The following SEMA3D variants were observed in gnomAD, a reference collection of about 807,000 sequenced individuals.
SEMA3D encodes the protein semaphorin-3D.
A neutral mutation model predicts 100.1 loss-of-function variants in SEMA3D; 84 were observed. The observed-to-expected ratio is 0.84, with a 90% CI of 0.70 to 1.01. The LOEUF is 1.01. SEMA3D is among the 50% of genes least tolerant of loss of function. The pLI is 0.00. For synonymous variants in SEMA3D, 312 were observed against 320.7 expected, an observed-to-expected ratio of 0.97 and a Z score of 0.29; for missense variants, 875 against 934.1, an observed-to-expected ratio of 0.94 and a Z score of 0.82.
Position 85,040,759 on chromosome 7 carries a change from A to G in SEMA3D, c.977-17T>C, listed in dbSNP as rs1790837338. ...AAATATCTTCTATTAAAGGGGAAAA[A>G]TAAATATTTACTCTTATTTTTCAGT... On this transcript the variant is annotated splice_polypyrimidine_tract_variant and intron_variant, in intron 10 of 18. Coordinates refer to ENST00000284136, the MANE Select transcript of SEMA3D (RefSeq NM_001384900.1). The G allele has an allele frequency of 8.9e-7, 1 of 1,127,230 alleles. No homozygotes were observed. The highest frequency in any genetic ancestry group is 1.5e-5 in the African/African-American group (1 of 64,904). 69.8% of individuals were successfully genotyped at this position (1,127,230 alleles called of 1,614,324 possible). A position where few individuals can be genotyped will look rare whatever the true frequency, so the allele number is the denominator to read the frequency against.
chr7:85,020,706 T>C (rs1005919050), intron 13 of SEMA3D, among the ~76,000 whole-genome samples: 1 of 151,598 alleles, frequency 6.6e-6, no homozygotes, highest in Non-Finnish European at 1.5e-5. Flanking sequence ...TTCCATGTAA[T>C]ATATATTTAT....
chr7:85,189,452 C>T (rs993658546), upstream of SEMA3D, among the ~76,000 whole-genome samples: 2 of 151,910 alleles, frequency 1.3e-5, no homozygotes, highest in African/African-American at 4.8e-5. Flanking sequence ...TATCTAAATT[C>T]TTAAAATAAA....
At position 85,025,244 on chromosome 7, in the gene SEMA3D, C is replaced by T. The variant is rs554266653; in HGVS notation, c.1192-2631G>A. ...CAGGAAACTTATCTGTGTCTCTACC[C>T]GCTGTTGTAAAATACTCAAAGACAG... is the stretch of plus-strand genomic sequence containing the variant. On this transcript the variant is annotated intron_variant, in intron 12 of 18. Transcript: ENST00000284136. Among the ~76,000 whole-genome samples the T allele has an allele frequency of 2.6e-4, 39 of 152,030 alleles. No individual in the cohort carries two copies. In the South Asian group the frequency reaches 7.9e-3, roughly 31 times the overall value.
chr7:85,122,273 C>T (rs934046624), intron 2 of SEMA3D, among the ~76,000 whole-genome samples: 1 of 151,646 alleles, frequency 6.6e-6, no homozygotes, highest in Non-Finnish European at 1.5e-5. Flanking sequence ...GTAGACTTTC[C>T]TCAACTTACT....
intron 3 of SEMA3D, among the ~76,000 whole-genome samples, chr7:85,099,981 C>G (rs1202772370): frequency 6.6e-6 from 1 of 151,908 alleles, no homozygotes. Context: ...TGCAGCTTGT[C>G]TTTCGCCCAT....
At chr7:85,225,089 TATATATATATATATATAC>T in the SEMA3D span, among the ~76,000 whole-genome samples, 3 of 15,140 alleles carry the variant, frequency 2.0e-4, no homozygotes, top group African/African-American at 7.8e-4. Context: ...TATATATATA[TATATATATATATATATAC>T]ATACATATAT....
chr7:85,218,720 T>C, the SEMA3D span, among the ~76,000 whole-genome samples: 1 of 152,144 alleles, frequency 6.6e-6, no homozygotes, highest in Non-Finnish European at 1.5e-5. Flanking sequence ...ATTTCTATCA[T>C]GAGCAAGCCA....
chr7:85,040,601 G>C, intron 11 of SEMA3D, 72 bp downstream of exon 11: 1 of 785,622 alleles, frequency 1.3e-6, no homozygotes, highest in Admixed American at 2.4e-5. Context: ...GGGACAAAAA[G>C]ATCCTATAAC....
the SEMA3D span, among the ~76,000 whole-genome samples, chr7:85,243,354 A>G: frequency 1.3e-5 from 2 of 152,202 alleles, no homozygotes. Flanking sequence ...AGGGCTCCCC[A>G]TGAGTGGAGT....
At chr7:85,231,744 C>T in the SEMA3D span, among the ~76,000 whole-genome samples, 1 of 152,116 alleles carries the variant, frequency 6.6e-6, no homozygotes, top group Non-Finnish European at 1.5e-5. Flanking sequence ...GCCACTGCGC[C>T]AGGCCTGGGG....
At chr7:85,101,780 A>G (rs1403625848) in intron 3 of SEMA3D, among the ~76,000 whole-genome samples, 1 of 152,038 alleles carries the variant, frequency 6.6e-6, no homozygotes. Flanking sequence ...AAGTTCTTAG[A>G]ACCATGCTTG....
chr7:85,072,687 C>T (rs1248187706), intron 6 of SEMA3D, among the ~76,000 whole-genome samples: 1 of 152,176 alleles, frequency 6.6e-6, no homozygotes, highest in African/African-American at 2.4e-5. Flanking sequence ...TGGCTAGGAA[C>T]ATGAGTTACT....
the SEMA3D span, among the ~76,000 whole-genome samples, chr7:85,213,016 A>G: frequency 6.6e-6 from 1 of 152,182 alleles, no homozygotes; most frequent in African/African-American, 2.4e-5. Context: ...TAGAATTTAT[A>G]AATTATCAGT....
intron 1 of SEMA3D, among the ~76,000 whole-genome samples, chr7:85,183,528 A>G (rs7808945): frequency 0.083 from 12,696 of 152,154 alleles, 1,293 homozygotes; most frequent in East Asian, 0.3. Flanking sequence ...CCTGCCACCA[A>G]AAATAATTCC....
chr7:85,143,977 C>T (rs1294372327), intron 2 of SEMA3D, among the ~76,000 whole-genome samples: 2 of 152,086 alleles, frequency 1.3e-5, no homozygotes, highest in East Asian at 3.9e-4. Flanking sequence ...TCCCAAAGTA[C>T]TGGGATTACA....
chr7:85,213,446 G>A, the SEMA3D span, among the ~76,000 whole-genome samples: 1 of 151,888 alleles, frequency 6.6e-6, no homozygotes, highest in Non-Finnish European at 1.5e-5. Flanking sequence ...AATATTAATT[G>A]CAAGAAAAAA....
chr7:85,185,386 C>G (rs1583998869), intron 1 of SEMA3D, among the ~76,000 whole-genome samples: 1 of 152,116 alleles, frequency 6.6e-6, no homozygotes, highest in East Asian at 1.9e-4. Context: ...GCAGGAGAAC[C>G]CTTTTTAGGC....
At chr7:85,180,334 T>C (rs922650228) in intron 1 of SEMA3D, among the ~76,000 whole-genome samples, 2 of 152,292 alleles carry the variant, frequency 1.3e-5, no homozygotes, top group Non-Finnish European at 2.9e-5. Context: ...CCTTCCACTA[T>C]GATTATAAGT....
At chr7:85,065,159 T>A (rs1324032118) in intron 8 of SEMA3D, among the ~76,000 whole-genome samples, 1 of 152,162 alleles carries the variant, frequency 6.6e-6, no homozygotes, top group Non-Finnish European at 1.5e-5. Flanking sequence ...TAATGATATA[T>A]CCCAGATGTC....
Sources: gnomAD v4.1 joint callset for allele counts (sites outside exome capture counted in the v4.1 genomes callset) on GRCh38, gnomAD v4.1.1 for gene constraint, MANE v1.5 for transcripts, NCBI Gene and HGNC (gene_info 2026-07-23, HGNC 2026-07-21) for gene names.